The following FBXO33 variants were observed in gnomAD, a reference collection of about 807,000 sequenced individuals.
FBXO33 encodes F-box only protein 33.
In FBXO33, 22 loss-of-function variants were observed where a neutral mutation model predicts 46.3. That is an observed-to-expected ratio of 0.48 (90% CI 0.34 to 0.68). The LOEUF is 0.68. Among genes scored for constraint, FBXO33 ranks in the 30% least tolerant of loss-of-function variants. The pLI is 0.01. For synonymous variants in FBXO33, 337 were observed against 291.3 expected (o/e 1.16, Z -1.60); for missense variants, 692 against 708.8 (o/e 0.98, Z 0.27).
intron 1 of FBXO33, among the ~76,000 whole-genome samples, chr14:39,423,121 C>CA (rs982059339): frequency 1.9e-4 from 28 of 149,542 alleles, no homozygotes; most frequent in African/African-American, 5.7e-4. Context: ...GACTCCATCT[C>CA]AAAAAAAACA....
chr14:39,403,771 T>TA (rs1262507634), intron 1 of FBXO33, among the ~76,000 whole-genome samples: 1 of 151,560 alleles, frequency 6.6e-6, no homozygotes, highest in Non-Finnish European at 1.5e-5. Context: ...ACAACAGTGA[T>TA]ACAAGATTTA....
At chr14:39,421,115 T>A (rs1384929404) in intron 1 of FBXO33, among the ~76,000 whole-genome samples, 1 of 151,054 alleles carries the variant, frequency 6.6e-6, no homozygotes, top group Non-Finnish European at 1.5e-5. Flanking sequence ...GGTATGAAGG[T>A]GGGTGGCTTG....
Position 39,431,934 on chromosome 14 carries a change from C to T in FBXO33, c.229G>A (p.Val77Met), listed in dbSNP as rs1293148539. The T allele has an allele frequency of 2.0e-6, 3 of 1,533,948 alleles. No individual in the cohort carries two copies. Among genetic ancestry groups the T allele is most frequent in the Non-Finnish European group, 2.6e-6 (3 of 1,146,252 alleles). Residue 77 changes from valine (V) to methionine (M), a missense_variant, in exon 1 of 4, where the codon GTG becomes ATG. Physicochemically the swap from Val to Met is conservative, Grantham distance 21. Around this residue, in one of 3 missense-constraint regions of FBXO33, gnomAD observed 412 missense variants for 370.8 expected, o/e 1.11. Coordinates refer to ENST00000298097, the MANE Select transcript of FBXO33 (RefSeq NM_203301.4). ...GAASLPSELI[V>M]HIFSFLPAPD... ...GCCGGCAGAAAAGAGAAGATGTGCACGATCAGCTCGCTGGGCAGCGACGCA... is the reference window on the plus strand; with the variant it reads ...GCCGGCAGAAAAGAGAAGATGTGCATGATCAGCTCGCTGGGCAGCGACGCA...
intron 1 of FBXO33, among the ~76,000 whole-genome samples, chr14:39,408,224 C>T (rs998622933): frequency 5.3e-5 from 8 of 151,894 alleles, no homozygotes; most frequent in Non-Finnish European, 1.0e-4. Flanking sequence ...GAATTACAGG[C>T]GTGAGCCACC....
In FBXO33 at chr14:39,397,864, G is replaced by A. The variant is rs1213250162; in HGVS notation, c.*1652C>T. 1 of 152,538 alleles carries A rather than the reference G, an allele frequency of 6.6e-6. No individual in the cohort carries two copies. The highest frequency in any genetic ancestry group is 2.4e-5 in the African/African-American group (1 of 41,428). 9.4% of individuals were successfully genotyped at this position (152,538 alleles called of 1,614,324 possible). ...GCTGGTTTCCTTACAGTTTCTGTCAGGAGTTATTTTATCTGATCACATTTA... is the reference window on the plus strand; with the variant it reads ...GCTGGTTTCCTTACAGTTTCTGTCAAGAGTTATTTTATCTGATCACATTTA... On this transcript the variant is annotated 3_prime_UTR_variant, in exon 4 of 4. Transcript: ENST00000298097.
intron 1 of FBXO33, among the ~76,000 whole-genome samples, chr14:39,413,233 A>C (rs2075431810): frequency 6.6e-6 from 1 of 152,268 alleles, no homozygotes; most frequent in South Asian, 2.1e-4. Flanking sequence ...CATTCACAGC[A>C]TCTTCATTAG....
At chr14:39,421,745 A>G (rs1001793691) in intron 1 of FBXO33, among the ~76,000 whole-genome samples, 53 of 151,920 alleles carry the variant, frequency 3.5e-4, no homozygotes, top group Non-Finnish European at 4.9e-4. Flanking sequence ...TTCACATAAT[A>G]AACTGTATCC....
intron 1 of FBXO33, among the ~76,000 whole-genome samples, chr14:39,405,495 T>TG (rs55908351): frequency 0.29 from 43,304 of 151,710 alleles, 7,588 homozygotes; most frequent in Non-Finnish European, 0.4. Context: ...GGGAATTTTT[T>TG]GGGGGGGTGT....
At chr14:39,416,721 C>A (rs2075450395) in intron 1 of FBXO33, among the ~76,000 whole-genome samples, 1 of 151,992 alleles carries the variant, frequency 6.6e-6, no homozygotes, top group African/African-American at 2.4e-5. Context: ...TTACTTTGCT[C>A]ATATATTCTT....
At chr14:39,407,936 A>G (rs1348595942) in intron 1 of FBXO33, among the ~76,000 whole-genome samples, 2 of 152,170 alleles carry the variant, frequency 1.3e-5, no homozygotes, top group African/African-American at 4.8e-5. Context: ...ATTTTTCTAC[A>G]TCCTCACAAA....
chr14:39,420,092 C>G (rs767273443), intron 1 of FBXO33, among the ~76,000 whole-genome samples: 2 of 152,222 alleles, frequency 1.3e-5, no homozygotes, highest in African/African-American at 2.4e-5. Flanking sequence ...AAACAGCCTA[C>G]AGACTGCTCT....
chr14:39,410,195 T>C (rs536012321), intron 1 of FBXO33, among the ~76,000 whole-genome samples: 1 of 152,196 alleles, frequency 6.6e-6, no homozygotes, highest in Admixed American at 6.5e-5. Context: ...TGGACTTTAG[T>C]ATGTTGAGGT....
At chr14:39,407,248 T>C (rs1168256202) in intron 1 of FBXO33, among the ~76,000 whole-genome samples, 1 of 152,216 alleles carries the variant, frequency 6.6e-6, no homozygotes, top group Non-Finnish European at 1.5e-5. Context: ...CTACAAAACA[T>C]TGTTGAAATA....
At chr14:39,400,949 A>G (rs2075365849) in intron 3 of FBXO33, among the ~76,000 whole-genome samples, 1 of 152,226 alleles carries the variant, frequency 6.6e-6, no homozygotes, top group Non-Finnish European at 1.5e-5. Flanking sequence ...TGCCATTCAC[A>G]TGATGGACAA....
At position 39,398,395 on chromosome 14, in the gene FBXO33, AGCTTT is replaced by A. The variant is rs1460274425; in HGVS notation, c.*1116_*1120del. On this transcript the variant is annotated 3_prime_UTR_variant, in exon 4 of 4. Coordinates refer to ENST00000298097, the MANE Select transcript of FBXO33 (RefSeq NM_203301.4). ...AGCAGCTCATACCTGTGATAGAACA[AGCTTT>A]CAGTTTTTCCTTTCTTTCCTTTACA... 1 of 152,448 alleles carries A rather than the reference AGCTTT, an allele frequency of 6.6e-6. No individual in the cohort carries two copies. The highest frequency in any genetic ancestry group is 1.9e-4 in the East Asian group (1 of 5,202). The allele number at this position is 152,448 out of a possible 1,614,324, so 9.4% of individuals were successfully genotyped here.
chr14:39,428,233 T>G (rs1408019390), intron 1 of FBXO33, among the ~76,000 whole-genome samples: 1 of 151,818 alleles, frequency 6.6e-6, no homozygotes, highest in Non-Finnish European at 1.5e-5. Context: ...TGAGACGGAG[T>G]CTGGCTCTGT....
At chr14:39,408,877 T>A (rs571147298) in intron 1 of FBXO33, among the ~76,000 whole-genome samples, 77 of 151,856 alleles carry the variant, frequency 5.1e-4, no homozygotes, top group African/African-American at 1.7e-3. Context: ...CTGGGCTCAA[T>A]GGATCCTCCC....
chr14:39,399,187 T>C lies in FBXO33; in HGVS notation c.*329A>G, dbSNP rs1372677155. 1.1e-5 allele frequency: 2 copies of C among 177,698 alleles called. No individual in the cohort carries two copies. The highest frequency in any genetic ancestry group is 4.7e-5 in the African/African-American group (2 of 42,416). 11.0% of individuals were successfully genotyped at this position (177,698 alleles called of 1,614,324 possible). On this transcript the variant is annotated 3_prime_UTR_variant, in exon 4 of 4. Coordinates refer to ENST00000298097, the MANE Select transcript of FBXO33 (RefSeq NM_203301.4). ...ATTTTGGCTCCTGAGCTCTGAACTC[T>C]GACACACAAAGAATAAAAACGTCAA...
chr14:39,415,159 G>A (rs1181303201), intron 1 of FBXO33, among the ~76,000 whole-genome samples: 1 of 152,170 alleles, frequency 6.6e-6, no homozygotes, highest in Non-Finnish European at 1.5e-5. Flanking sequence ...GGTGGGCTCA[G>A]TGTGGTGGTT....
Sources: gnomAD v4.1 joint callset for allele counts (sites outside exome capture counted in the v4.1 genomes callset) on GRCh38, gnomAD v4.1.1 for gene constraint, gnomAD v4.1.1 regional missense constraint, MANE v1.5 for transcripts, NCBI Gene and HGNC (gene_info 2026-07-23, HGNC 2026-07-21) for gene names.